The following SDK2 variants were observed in gnomAD, a reference collection of about 807,000 sequenced individuals.
SDK2 encodes the protein sidekick cell adhesion molecule 2, also known as protein sidekick-2.
A neutral mutation model predicts 253.9 loss-of-function variants in SDK2; 105 were observed. That is an observed-to-expected ratio of 0.41 (90% confidence interval 0.35 to 0.49). The LOEUF is 0.49. SDK2 is among the 20% of genes least tolerant of loss of function. SDK2 has a pLI of 0.06. For synonymous variants in SDK2, 1,249 were observed against 1,234.9 expected (o/e 1.01, Z -0.24); for missense variants, 2,608 against 3,003.0 (o/e 0.87, Z 3.07).
At chr17:73,620,350 A>G (rs572817104) in intron 1 of SDK2, among the ~76,000 whole-genome samples, 2 of 152,368 alleles carry the variant, frequency 1.3e-5, no homozygotes, top group South Asian at 4.1e-4. Context: ...CACACCCACC[A>G]GGTCAGCTAT....
In SDK2 at chr17:73,467,555, G is replaced by A. The variant is rs2063611008; in HGVS notation, c.331+4557C>T. Among the ~76,000 whole-genome samples the A allele has an allele frequency of 6.6e-6, 1 of 152,160 alleles. No homozygotes were observed. Among genetic ancestry groups the A allele is most frequent in the South Asian group, 2.1e-4 (1 of 4,830 alleles). On this transcript the variant is annotated intron_variant, in intron 3 of 44. Coordinates refer to ENST00000392650, the MANE Select transcript of SDK2 (RefSeq NM_001144952.2). The surrounding 1 kb of genome is among the most constrained non-coding windows in gnomAD (Gnocchi z 4.1). ...AGGCCCAGAATCCCAGGGAAGTGGG[G>A]CTGGGACAGAGGATTCTTCAGCTTC... is the stretch of plus-strand genomic sequence containing the variant.
At chr17:73,491,226 T>C (rs6501645) in intron 2 of SDK2, among the ~76,000 whole-genome samples, 77,889 of 151,940 alleles carry the variant, frequency 0.51, 20,214 homozygotes, top group Admixed American at 0.56. Flanking sequence ...CACCCTGACA[T>C]GGCTCAACAT....
At chr17:73,426,813 G>A (rs549982933) in intron 12 of SDK2, among the ~76,000 whole-genome samples, 28 of 152,280 alleles carry the variant, frequency 1.8e-4, no homozygotes, top group African/African-American at 5.8e-4. Flanking sequence ...GGGGCCGGGC[G>A]CGGTGGCTCA....
intron 2 of SDK2, among the ~76,000 whole-genome samples, chr17:73,498,782 T>G (rs1399657309): frequency 6.6e-6 from 1 of 151,946 alleles, no homozygotes; most frequent in Non-Finnish European, 1.5e-5. Context: ...TTAATAAGAG[T>G]TAAGGTACTA....
intron 2 of SDK2, among the ~76,000 whole-genome samples, chr17:73,501,411 G>A (rs150382276): frequency 2.0e-5 from 3 of 152,360 alleles, no homozygotes; most frequent in South Asian, 2.1e-4. Flanking sequence ...GAGGCAGGCC[G>A]TGGGGCCAGT....
chr17:73,540,216 C>T (rs72845740), intron 1 of SDK2, among the ~76,000 whole-genome samples: 1,665 of 152,236 alleles, frequency 0.011, 22 homozygotes, highest in Non-Finnish European at 0.017. Context: ...TCAGAGCCTC[C>T]GAGGGAGCAG....
At chr17:73,429,538 C>G (rs866339590) in intron 12 of SDK2, among the ~76,000 whole-genome samples, 1 of 152,208 alleles carries the variant, frequency 6.6e-6, no homozygotes, top group Non-Finnish European at 1.5e-5. Context: ...GCTGTACAGA[C>G]TGTCATAGGT....
intron 6 of SDK2, 36 bp from the exon 7 acceptor site, chr17:73,438,190 G>A (rs1567773321): frequency 2.6e-6 from 4 of 1,529,470 alleles, no homozygotes; most frequent in Non-Finnish European, 3.5e-6. Flanking sequence ...GTTCAGCCAT[G>A]AGGACTCCCA....
chr17:73,587,167 G>C (rs900845055), intron 1 of SDK2, among the ~76,000 whole-genome samples: 3 of 152,158 alleles, frequency 2.0e-5, no homozygotes, highest in African/African-American at 7.2e-5. Flanking sequence ...CAAATTCCAT[G>C]CCCTTGGAAT....
chr17:73,589,173 T>C (rs887127718), intron 1 of SDK2, among the ~76,000 whole-genome samples: 11 of 152,272 alleles, frequency 7.2e-5, no homozygotes, highest in African/African-American at 2.7e-4. Context: ...CTAAGCCAAT[T>C]ATTCTACTGT....
intron 1 of SDK2, among the ~76,000 whole-genome samples, chr17:73,543,480 C>A (rs1205405657): frequency 6.6e-6 from 1 of 152,230 alleles, no homozygotes; most frequent in East Asian, 1.9e-4. Context: ...AAGCGACAGC[C>A]CAATGATTGC....
At chr17:73,463,641 T>C (rs1452643002) in intron 3 of SDK2, among the ~76,000 whole-genome samples, 2 of 152,222 alleles carry the variant, frequency 1.3e-5, no homozygotes, top group African/African-American at 4.8e-5. Context: ...TTGTGGTCAA[T>C]GTATTCTGTT....
chr17:73,350,604 C>T (rs749778543), intron 42 of SDK2, 46 bp downstream of exon 42: 1 of 1,583,112 alleles, frequency 6.3e-7, no homozygotes, highest in Non-Finnish European at 8.6e-7. Flanking sequence ...AAAGGAGATA[C>T]ATAAAACTCA....
chr17:73,551,535 C>T (rs941792678), intron 1 of SDK2, among the ~76,000 whole-genome samples: 1 of 152,174 alleles, frequency 6.6e-6, no homozygotes, highest in African/African-American at 2.4e-5. Flanking sequence ...GGAAAGGATA[C>T]CCCAAGTTTC....
At chr17:73,483,661 G>GTATATATATATATATATT (rs2063747306) in intron 2 of SDK2, among the ~76,000 whole-genome samples, 6 of 70,192 alleles carry the variant, frequency 8.5e-5, no homozygotes, top group Non-Finnish European at 1.3e-4. Flanking sequence ...GTGTGTGTGT[G>GTATATATATATATATATT]TATATATATA....
rs371599529 is a variant in SDK2, at chr17:73,338,612, A to C, written c.6494T>G (p.Ile2165Arg). ...TCAAACAAATGATGAAAATCCTGCTATGGGAGCCCGGGAGCCTGGGGCCAG... is the reference window on the plus strand; with the variant it reads ...TCAAACAAATGATGAAAATCCTGCTCTGGGAGCCCGGGAGCCTGGGGCCAG... ...SSLAPGSRAPIAGFSSFV is the reference protein window; with the variant it reads ...SSLAPGSRAPRAGFSSFV Residue 2165 changes from isoleucine (I) to arginine (R), a missense_variant, in exon 45 of 45, where the codon ATA becomes AGA. By Grantham distance (97) the Ile-to-Arg change is moderately conservative. This residue lies in a region of SDK2 where 1,103 missense variants were observed against 1,143.9 expected (regional missense o/e 0.96). Transcript: ENST00000392650. The surrounding 1 kb of genome is among the most constrained non-coding windows in gnomAD (Gnocchi z 5.0). 1.3e-6 allele frequency: 2 copies of C among 1,524,928 alleles called. No homozygotes were observed. The highest frequency in any genetic ancestry group is 1.8e-6 in the Non-Finnish European group (2 of 1,141,776). The allele number at this position is 1,524,928 out of a possible 1,614,324, so 94.5% of individuals were successfully genotyped here. A position where few individuals can be genotyped will look rare whatever the true frequency, so the allele number is the denominator to read the frequency against.
chr17:73,419,006 T>G (rs2063205509), intron 16 of SDK2, among the ~76,000 whole-genome samples, 160 bp downstream of exon 16: 1 of 152,186 alleles, frequency 6.6e-6, no homozygotes, highest in Admixed American at 6.5e-5. Flanking sequence ...GTGTCCAACC[T>G]AAATCCTTCC....
At chr17:73,390,815 T>C (rs1186906227) in intron 28 of SDK2, among the ~76,000 whole-genome samples, 2 of 152,370 alleles carry the variant, frequency 1.3e-5, no homozygotes, top group South Asian at 4.1e-4. Context: ...CAGGTCTTTC[T>C]GGGCTAATGC....
chr17:73,548,406 T>C (rs1384160788), intron 1 of SDK2, among the ~76,000 whole-genome samples: 1 of 152,352 alleles, frequency 6.6e-6, no homozygotes, highest in East Asian at 1.9e-4. Flanking sequence ...TGGGTCCTCC[T>C]GTCCACACAG....
Sources: allele counts gnomAD v4.1 joint callset (sites outside exome capture counted in the v4.1 genomes callset), GRCh38; gene constraint gnomAD v4.1.1; regional missense constraint gnomAD v4.1.1; non-coding constraint Gnocchi (gnomAD v3.1); transcripts MANE v1.5; gene names NCBI Gene and HGNC (gene_info 2026-07-23, HGNC 2026-07-21).